The following NEDD4 variants were observed in gnomAD, a reference collection of about 807,000 sequenced individuals.
NEDD4 encodes E3 ubiquitin-protein ligase NEDD4.
Under a neutral mutation model 144.9 loss-of-function variants are expected in NEDD4, and 99 were observed. The ratio of observed to expected loss-of-function variants is 0.68; its 90% CI spans 0.58 to 0.81. The LOEUF (loss-of-function observed/expected upper bound fraction) is 0.81. Ranked by LOEUF, NEDD4 falls within the 30% of genes least tolerant of loss-of-function variation. The probability of loss-of-function intolerance (pLI) is 0.00; values close to 1 mark genes in which losing one functional copy is unlikely to be tolerated. For synonymous variants in NEDD4, 318 were observed against 350.6 expected (o/e 0.91, Z 1.04); for missense variants, 985 against 1,065.9 (o/e 0.92, Z 1.06).
At chr15:55,849,688 ATTT>A (rs1450889022) in intron 14 of NEDD4, among the ~76,000 whole-genome samples, 2 of 150,222 alleles carry the variant, frequency 1.3e-5, no homozygotes, top group Non-Finnish European at 1.5e-5. Flanking sequence ...TATATATATT[ATTT>A]TAATATTATT....
Position 55,892,486 on chromosome 15 carries a change from T to A in NEDD4, c.292-18478A>T, listed in dbSNP as rs570118836. Reference sequence around the variant, plus strand: ...AATCATGCTTTTTAAAGAGTAAAAATAAATTTTATACCTGAATATTAGATA... The same window carrying A: ...AATCATGCTTTTTAAAGAGTAAAAAAAAATTTTATACCTGAATATTAGATA... On this transcript the variant is annotated intron_variant, in intron 5 of 28. Transcript: ENST00000435532. Among the ~76,000 whole-genome samples the A allele has an allele frequency of 6.6e-5, 10 of 152,110 alleles. No individual in the cohort carries two copies. In the East Asian group the frequency reaches 1.9e-3, roughly 29 times the overall value.
intron 5 of NEDD4, among the ~76,000 whole-genome samples, chr15:55,890,495 TC>T (rs750092706): frequency 6.6e-6 from 1 of 152,218 alleles, no homozygotes; most frequent in African/African-American, 2.4e-5. Flanking sequence ...TTAGTATGTT[TC>T]CAAGATTCAT....
chr15:55,850,625 A>C lies in NEDD4; in HGVS notation c.1264T>G (p.Phe422Val). ...VTQPSEIEQG[F>V]LPKGWEVRHA... is the part of the protein sequence containing the mutation. ...CGGACTTCCCAGCCTTTAGGAAGGA[A>C]TCCTTGCTCAATTTCAGATGGCTGG... is the stretch of plus-strand genomic sequence containing the variant. Residue 422 changes from phenylalanine (F) to valine (V), a missense_variant, in exon 14 of 29, where the codon TTC becomes GTC. By Grantham distance (50) the Phe-to-Val change is conservative. Coordinates refer to ENST00000435532, the MANE Select transcript of NEDD4 (RefSeq NM_006154.4). 6.2e-7 allele frequency: 1 copy of C among 1,614,162 alleles called. No homozygotes were observed. The highest frequency in any genetic ancestry group is 8.5e-7 in the Non-Finnish European group (1 of 1,180,030).
chr15:55,869,773 A>G (rs1464203387), intron 7 of NEDD4, 92 bp from the exon 8 acceptor site: 1 of 792,612 alleles, frequency 1.3e-6, no homozygotes, highest in East Asian at 2.8e-5. Context: ...ACTAGGTACC[A>G]GGGGGTCTAC....
In NEDD4 at chr15:55,979,156, A is replaced by G. The variant is rs115682945; in HGVS notation, c.46-12610T>C. 9.9e-3 allele frequency among the ~76,000 whole-genome samples: 1,497 copies of G among 151,788 alleles called. 16 individuals are homozygous for G. The highest frequency in any genetic ancestry group is 0.032 in the African/African-American group (1,327 of 41,486). ...TAGTTCACTATTAAAATCCTATATC[A>G]TCTAGGCAGAATCCTTTGAAGCCAT... On this transcript the variant is annotated intron_variant, in intron 1 of 28. Transcript: ENST00000435532.
chr15:55,962,405 TTTA>T (rs1279894971), intron 2 of NEDD4, among the ~76,000 whole-genome samples: 1 of 152,108 alleles, frequency 6.6e-6, no homozygotes, highest in Non-Finnish European at 1.5e-5. Context: ...AGTCTACAGG[TTTA>T]TTGTTTGTTT....
chr15:55,859,627 C>T (rs773154358), intron 11 of NEDD4, among the ~76,000 whole-genome samples: 58 of 152,216 alleles, frequency 3.8e-4, no homozygotes, highest in Admixed American at 4.6e-4. Flanking sequence ...AAGCTGGAGA[C>T]GGAGTTTGCA....
In NEDD4 at chr15:55,981,147, A is replaced by C. The variant is rs895099542; in HGVS notation, c.45+12364T>G. 1.3e-4 allele frequency among the ~76,000 whole-genome samples: 19 copies of C among 151,752 alleles called. 1 individual carries two copies. The highest frequency in any genetic ancestry group is 6.6e-5 in the Admixed American group (1 of 15,210). On this transcript the variant is annotated intron_variant, in intron 1 of 28. Coordinates refer to ENST00000435532, the MANE Select transcript of NEDD4 (RefSeq NM_006154.4). ...AATGTCTACCTCCCAGGTTCAAGCAATTCTCCTGCCTCAGCCTCCTGAGTA... is the reference window on the plus strand; with the variant it reads ...AATGTCTACCTCCCAGGTTCAAGCACTTCTCCTGCCTCAGCCTCCTGAGTA...
At chr15:55,935,860 A>G (rs1274258541) in intron 4 of NEDD4, among the ~76,000 whole-genome samples, 1 of 151,398 alleles carries the variant, frequency 6.6e-6, no homozygotes, top group African/African-American at 2.4e-5. Flanking sequence ...AAAAAAAAAA[A>G]AAAAAGATAC....
chr15:55,911,838 A>G (rs1201813191), intron 5 of NEDD4, among the ~76,000 whole-genome samples: 1 of 152,208 alleles, frequency 6.6e-6, no homozygotes. Flanking sequence ...TAGACTGAAA[A>G]TTTTTATGTT....
chr15:55,849,796 T>A (rs79472037), intron 14 of NEDD4, among the ~76,000 whole-genome samples: 1 of 145,470 alleles, frequency 6.9e-6, no homozygotes, highest in Non-Finnish European at 1.5e-5. Flanking sequence ...AAGTAATTTT[T>A]TTTTTTTTTT....
chr15:55,956,115 A>G (rs2037333613), intron 2 of NEDD4, among the ~76,000 whole-genome samples: 1 of 152,050 alleles, frequency 6.6e-6, no homozygotes, highest in African/African-American at 2.4e-5. Context: ...TGCCCAGCCC[A>G]CATTTCTTTT....
intron 1 of NEDD4, among the ~76,000 whole-genome samples, chr15:55,988,179 A>G (rs1219987390): frequency 3.0e-5 from 4 of 135,550 alleles, no homozygotes; most frequent in African/African-American, 1.1e-4. Flanking sequence ...TTGTAGGGAC[A>G]TGGATGAAAT....
intron 19 of NEDD4, 73 bp downstream of exon 19, chr15:55,841,859 CTG>C: frequency 7.7e-7 from 1 of 1,293,460 alleles, no homozygotes. Context: ...GCATGAGCCA[CTG>C]CACCCGGCCG....
At chr15:55,880,082 A>T (rs983651152) in intron 5 of NEDD4, among the ~76,000 whole-genome samples, 5 of 152,180 alleles carry the variant, frequency 3.3e-5, no homozygotes, top group African/African-American at 9.7e-5. Context: ...TCATGAGGTC[A>T]GGAGTTCGAG....
intron 1 of NEDD4, 123 bp from the exon 2 acceptor site, chr15:55,966,669 C>A: frequency 1.6e-5 from 7 of 436,870 alleles, no homozygotes; most frequent in South Asian, 1.7e-4. Context: ...GAATCTTTTT[C>A]AATAATTAAT....
At chr15:55,835,424 T>TTG (rs1555392060) in intron 24 of NEDD4, among the ~76,000 whole-genome samples, 11 of 131,580 alleles carry the variant, frequency 8.4e-5, no homozygotes, top group African/African-American at 3.1e-4. Flanking sequence ...TGTTCTGTTT[T>TTG]TTTTTTTTTT....
In NEDD4 at chr15:55,945,508, A is replaced by G. The variant is rs1451705467; in HGVS notation, c.237+5868T>C. On this transcript the variant is annotated intron_variant, in intron 4 of 28. Transcript: ENST00000435532. ...AAAGAAAGCCTCCAAGAAATATGGGACTATGTGAAAAGACCAACTCTATGT... is the reference window on the plus strand; with the variant it reads ...AAAGAAAGCCTCCAAGAAATATGGGGCTATGTGAAAAGACCAACTCTATGT... Among the ~76,000 whole-genome samples the G allele has an allele frequency of 2.0e-5, 3 of 152,288 alleles. No homozygotes were observed. In the East Asian group the frequency reaches 5.8e-4, roughly 29 times the overall value.
intron 2 of NEDD4, among the ~76,000 whole-genome samples, chr15:55,965,084 AC>A (rs2142327422): frequency 6.6e-6 from 1 of 151,846 alleles, no homozygotes; most frequent in South Asian, 2.1e-4. Context: ...CACCAAATCA[AC>A]CTCTTTTCTT....
Sources: gnomAD v4.1 joint callset for allele counts (sites outside exome capture counted in the v4.1 genomes callset) on GRCh38, gnomAD v4.1.1 for gene constraint, MANE v1.5 for transcripts, NCBI Gene and HGNC (gene_info 2026-07-23, HGNC 2026-07-21) for gene names.